The following ASIC2 variants were observed in gnomAD, a reference collection of about 807,000 sequenced individuals.
ASIC2 encodes the protein acid-sensing ion channel 2.
ASIC2 carries 25 observed loss-of-function variants against 57.3 expected under a neutral mutation model. The ratio of observed to expected loss-of-function variants is 0.44; its 90% CI spans 0.32 to 0.61. The LOEUF is 0.61. Ranked by LOEUF, ASIC2 falls within the 20% of genes least tolerant of loss-of-function variation. The pLI, the probability that ASIC2 is intolerant of heterozygous loss-of-function variation, is 0.06. For missense variants in ASIC2, 641 were observed against 738.1 expected, an observed-to-expected ratio of 0.87 and a Z score of 1.52; for synonymous variants, 319 against 307.5, an observed-to-expected ratio of 1.04 and a Z score of -0.39.
Position 33,547,250 on chromosome 17 carries a change from G to A in ASIC2, c.556-435183C>T, listed in dbSNP as rs116359513. Among the ~76,000 whole-genome samples the A allele has an allele frequency of 5.7e-3, 854 of 148,954 alleles. 4 individuals are homozygous for A. The highest frequency in any genetic ancestry group is 0.021 in the African/African-American group (814 of 38,424). On this transcript the variant is annotated intron_variant, in intron 1 of 9. Coordinates refer to the ASIC2 transcript ENST00000359872. ...TGGGTACCTAATGACCATGGATGGG[G>A]CAGCAGAGGGGGTGGGTCGGTCAAT...
intron 1 of ASIC2, among the ~76,000 whole-genome samples, chr17:33,183,042 C>T (rs1366560683): frequency 2.6e-5 from 4 of 152,180 alleles, no homozygotes; most frequent in Admixed American, 1.3e-4. Context: ...TCATCTTCCC[C>T]ATTTTACAGG....
rs1353164529 is a variant in ASIC2, at chr17:33,132,942, CA to C, written c.709-20876del. Among the ~76,000 whole-genome samples the C allele has an allele frequency of 6.6e-5, 10 of 152,188 alleles. No homozygotes were observed. The East Asian group carries it at 1.9e-3, about 29-fold the overall frequency. On this transcript the variant is annotated intron_variant, in intron 1 of 9. Coordinates refer to ENST00000225823, the MANE Select transcript of ASIC2 (RefSeq NM_183377.2). Reference sequence around the variant, plus strand: ...CTTGCTCATGTCCTACCTTGTTTCTCAAAGTTTTTGAGGTCGTTTATATAGA... The same window carrying C: ...CTTGCTCATGTCCTACCTTGTTTCTCAAGTTTTTGAGGTCGTTTATATAGA...
At chr17:33,209,467 T>C (rs1409821059) in intron 1 of ASIC2, among the ~76,000 whole-genome samples, 4 of 152,186 alleles carry the variant, frequency 2.6e-5, no homozygotes, top group South Asian at 2.1e-4. Context: ...AGATAACTCT[T>C]TGTGACAGGG....
intron 1 of ASIC2, among the ~76,000 whole-genome samples, chr17:33,867,211 T>G (rs552097801): frequency 6.6e-6 from 1 of 152,286 alleles, no homozygotes; most frequent in East Asian, 1.9e-4. Context: ...CTGCTATATC[T>G]GCTATATCTA....
intron 1 of ASIC2, among the ~76,000 whole-genome samples, chr17:33,898,568 C>T (rs186396629): frequency 9.9e-5 from 15 of 152,206 alleles, no homozygotes; most frequent in Admixed American, 7.8e-4. Flanking sequence ...TCCCGTAGTA[C>T]AATAATCAAA....
intron 1 of ASIC2, among the ~76,000 whole-genome samples, chr17:33,435,614 G>C (rs542487548): frequency 1.9e-4 from 29 of 152,104 alleles, no homozygotes; most frequent in Non-Finnish European, 2.9e-4. Context: ...TAAAGGGGAC[G>C]GATCAAGCAT....
intron 9 of ASIC2, among the ~76,000 whole-genome samples, chr17:33,015,172 G>A (rs1266168824): frequency 6.6e-6 from 1 of 152,196 alleles, no homozygotes; most frequent in African/African-American, 2.4e-5. Flanking sequence ...TTTTGGATTT[G>A]TTGATATTAA....
At position 33,100,560 on chromosome 17, in the gene ASIC2, C is replaced by A. The variant is rs566528879; in HGVS notation, c.859+11357G>T. Reference sequence around the variant, plus strand: ...TCTTCTATCACAGCACTTGGTGACACTTAATAGTTGACACGTTCCCCAAAC... The same window carrying A: ...TCTTCTATCACAGCACTTGGTGACAATTAATAGTTGACACGTTCCCCAAAC... On this transcript the variant is annotated intron_variant, in intron 2 of 9. Transcript: ENST00000225823. 7.9e-5 allele frequency among the ~76,000 whole-genome samples: 12 copies of A among 152,358 alleles called. No homozygotes were observed. In the South Asian group the frequency reaches 2.5e-3, roughly 32 times the overall value.
intron 1 of ASIC2, among the ~76,000 whole-genome samples, chr17:33,427,132 C>A (rs1031475657): frequency 2.0e-5 from 3 of 152,132 alleles, no homozygotes; most frequent in Admixed American, 6.5e-5. Context: ...ATCAGCCCAT[C>A]GATCAGAAGG....
intron 1 of ASIC2, among the ~76,000 whole-genome samples, chr17:33,631,322 ATTTTT>A: frequency 7.4e-6 from 1 of 134,510 alleles, no homozygotes; most frequent in East Asian, 2.2e-4. Flanking sequence ...GCTTTTAGTG[ATTTTT>A]TTTTTTTTTT....
At chr17:33,740,084 A>C (rs555323627) in intron 1 of ASIC2, among the ~76,000 whole-genome samples, 1 of 152,190 alleles carries the variant, frequency 6.6e-6, no homozygotes, top group Non-Finnish European at 1.5e-5. Flanking sequence ...AGAGGCAGAA[A>C]GGAGAGCCAG....
intron 1 of ASIC2, among the ~76,000 whole-genome samples, chr17:33,431,176 C>T (rs1262812183): frequency 2.0e-5 from 3 of 152,100 alleles, no homozygotes; most frequent in East Asian, 1.9e-4. Context: ...TCTGTGGCAA[C>T]GTCTAAAAGG....
chr17:33,223,003 G>C (rs1567789564), intron 1 of ASIC2, among the ~76,000 whole-genome samples: 1 of 151,970 alleles, frequency 6.6e-6, no homozygotes. Flanking sequence ...TCACATCAGG[G>C]AGCCGGGTTC....
intron 1 of ASIC2, among the ~76,000 whole-genome samples, chr17:33,469,227 C>A (rs1302861585): frequency 6.6e-6 from 1 of 152,288 alleles, no homozygotes; most frequent in Non-Finnish European, 1.5e-5. Context: ...GGAGCAGCGT[C>A]GAGACCCATG....
At chr17:33,340,332 G>A (rs1006121822) in intron 1 of ASIC2, among the ~76,000 whole-genome samples, 7 of 152,154 alleles carry the variant, frequency 4.6e-5, no homozygotes, top group African/African-American at 1.7e-4. Context: ...TAAGCTGCCA[G>A]AGTGTTAGTT....
intron 1 of ASIC2, among the ~76,000 whole-genome samples, chr17:33,208,748 T>G (rs1907163314): frequency 6.6e-6 from 1 of 152,172 alleles, no homozygotes. Context: ...TGATCAGTCT[T>G]GTTGACTGAT....
intron 1 of ASIC2, among the ~76,000 whole-genome samples, chr17:33,698,162 T>C (rs1908586870): frequency 6.6e-6 from 1 of 152,232 alleles, no homozygotes; most frequent in Non-Finnish European, 1.5e-5. Context: ...ACCAGCATGC[T>C]ATTTAGATAT....
intron 1 of ASIC2, among the ~76,000 whole-genome samples, chr17:33,858,746 C>G (rs1914028323): frequency 6.6e-6 from 1 of 152,068 alleles, no homozygotes. Context: ...CAGGGACAAC[C>G]CATATGCATC....
chr17:33,312,013 T>C (rs867289164), intron 1 of ASIC2, among the ~76,000 whole-genome samples: 1 of 152,294 alleles, frequency 6.6e-6, no homozygotes, highest in Non-Finnish European at 1.5e-5. Flanking sequence ...AACCCTGCAG[T>C]GGTCTCTGGG....
Sources: gnomAD v4.1 joint callset for allele counts (sites outside exome capture counted in the v4.1 genomes callset) on GRCh38, gnomAD v4.1.1 for gene constraint, MANE v1.5 for transcripts, NCBI Gene and HGNC (gene_info 2026-07-23, HGNC 2026-07-21) for gene names.